ULK4: variants seen among roughly 807,000 people sequenced by gnomAD.
ULK4 encodes inactive serine/threonine-protein kinase ULK4.
A neutral mutation model predicts 160.6 loss-of-function variants in ULK4; 133 were observed. The observed-to-expected ratio is 0.83, with a 90% CI of 0.72 to 0.96. The LOEUF (loss-of-function observed/expected upper bound fraction) is 0.96, where lower values mean the gene tolerates loss of function less well. Ranked by LOEUF, ULK4 falls within the 40% of genes least tolerant of loss-of-function variation. The probability of loss-of-function intolerance (pLI) is 0.00; values close to 1 mark genes in which losing one functional copy is unlikely to be tolerated. For synonymous variants in ULK4, 534 were observed against 539.8 expected, an observed-to-expected ratio of 0.99 and a Z score of 0.15; for missense variants, 1,580 against 1,499.5, an observed-to-expected ratio of 1.05 and a Z score of -0.89.
intron 35 of ULK4, among the ~76,000 whole-genome samples, chr3:41,266,965 G>A (rs918459318): frequency 1.5e-5 from 2 of 134,424 alleles, no homozygotes; most frequent in Non-Finnish European, 3.1e-5. Flanking sequence ...TAACCCTCTT[G>A]CCAGCTACCT....
At position 41,502,962 on chromosome 3, in the gene ULK4, T is replaced by G. The variant is rs138157422; in HGVS notation, c.3227-39709A>C. Among the ~76,000 whole-genome samples the G allele has an allele frequency of 5.3e-3, 811 of 152,290 alleles. 12 individuals are homozygous for G. Among genetic ancestry groups the G allele is most frequent in the African/African-American group, 0.019 (780 of 41,560 alleles). Reference sequence around the variant, plus strand: ...GGTTAAATGTACAAATGTCCATTAATTGCTGTAAAAAAAGATGCAATATCC... The same window carrying G: ...GGTTAAATGTACAAATGTCCATTAAGTGCTGTAAAAAAAGATGCAATATCC... On this transcript the variant is annotated intron_variant, in intron 32 of 36. Coordinates refer to ENST00000301831, the MANE Select transcript of ULK4 (RefSeq NM_017886.4).
chr3:41,275,248 A>G (rs1165818961), intron 35 of ULK4, among the ~76,000 whole-genome samples: 3 of 152,230 alleles, frequency 2.0e-5, no homozygotes, highest in Non-Finnish European at 4.4e-5. Flanking sequence ...ATCCATTACT[A>G]CAGAGGAGAC....
intron 32 of ULK4, among the ~76,000 whole-genome samples, chr3:41,495,463 A>G (rs1415853756): frequency 6.6e-6 from 1 of 151,750 alleles, no homozygotes; most frequent in African/African-American, 2.4e-5. Context: ...TAGACCTAAA[A>G]CCATAAAAAC....
At chr3:41,582,819 C>T (rs2030481260) in intron 31 of ULK4, among the ~76,000 whole-genome samples, 2 of 152,208 alleles carry the variant, frequency 1.3e-5, no homozygotes, top group Non-Finnish European at 1.5e-5. Flanking sequence ...ATTACTGATT[C>T]TATTATTGTC....
rs186263499 is a variant in ULK4 at position 41,404,170 on chromosome 3, G to C, written c.3493-5906C>G. Among the ~76,000 whole-genome samples, 400 of 149,558 alleles carry C rather than the reference G, an allele frequency of 2.7e-3. 2 individuals carry two copies. Among genetic ancestry groups the C allele is most frequent in the Non-Finnish European group, 4.7e-3 (316 of 67,644 alleles). On this transcript the variant is annotated intron_variant, in intron 34 of 36. Transcript: ENST00000301831. ...GTCTAGTTGTTCTATTAATTCCTAA[G>C]TGGGAAAGCCCCAACTATCATTGTT...
intron 31 of ULK4, among the ~76,000 whole-genome samples, chr3:41,607,630 G>A (rs1465943528): frequency 1.3e-5 from 2 of 152,154 alleles, no homozygotes; most frequent in South Asian, 2.1e-4. Context: ...ACTCACATAG[G>A]TAGACAAAGG....
chr3:41,273,653 C>G (rs994076648), intron 35 of ULK4, among the ~76,000 whole-genome samples: 1 of 152,116 alleles, frequency 6.6e-6, no homozygotes, highest in African/African-American at 2.4e-5. Flanking sequence ...TCCCATCAAA[C>G]CTCATGTTGA....
intron 20 of ULK4, among the ~76,000 whole-genome samples, chr3:41,794,686 A>AAAAAAAAAAAAAAAAAAAAAAC (rs1553654814): frequency 4.4e-5 from 5 of 112,384 alleles, no homozygotes; most frequent in African/African-American, 1.7e-4. Flanking sequence ...AAAAAAAAAA[A>AAAAAAAAAAAAAAAAAAAAAAC]CACAGAAAAA....
intron 35 of ULK4, among the ~76,000 whole-genome samples, chr3:41,253,327 A>G (rs1465272961): frequency 6.6e-6 from 1 of 152,072 alleles, no homozygotes; most frequent in Non-Finnish European, 1.5e-5. Flanking sequence ...TGGGGTTTTC[A>G]ACATATGTAG....
At chr3:41,684,413 T>C (rs1265428309) in intron 27 of ULK4, among the ~76,000 whole-genome samples, 3 of 152,140 alleles carry the variant, frequency 2.0e-5, no homozygotes, top group African/African-American at 7.2e-5. Flanking sequence ...CTGGACGAGG[T>C]TTCCCTTTCA....
chr3:41,306,319 C>A lies in ULK4; in HGVS notation c.3679-56745G>T, dbSNP rs539211257. On this transcript the variant is annotated intron_variant, in intron 35 of 36. Transcript: ENST00000301831. Reference sequence around the variant, plus strand: ...TGGGAAGTGAGGAGCCCCTCTGCCCCGCCAGCCGCCCCATCCGGGAGGGAG... The same window carrying A: ...TGGGAAGTGAGGAGCCCCTCTGCCCAGCCAGCCGCCCCATCCGGGAGGGAG... 2.0e-3 allele frequency among the ~76,000 whole-genome samples: 207 copies of A among 101,186 alleles called. 5 individuals are homozygous for A. Among genetic ancestry groups the A allele is most frequent in the African/African-American group, 0.012 (190 of 15,910 alleles). 66.4% of individuals were successfully genotyped at this position (101,186 alleles called of 152,430 possible).
intron 20 of ULK4, among the ~76,000 whole-genome samples, chr3:41,796,984 C>T (rs112005575): frequency 2.0e-5 from 3 of 152,144 alleles, no homozygotes; most frequent in African/African-American, 7.2e-5. Context: ...CTCGCCAAAT[C>T]TGGGATGATT....
chr3:41,610,451 A>T (rs2125676008), intron 31 of ULK4, among the ~76,000 whole-genome samples: 1 of 152,336 alleles, frequency 6.6e-6, no homozygotes, highest in South Asian at 2.1e-4. Flanking sequence ...TACTCTAAGA[A>T]CCAATACATA....
chr3:41,692,774 A>G (rs968874183), intron 27 of ULK4, among the ~76,000 whole-genome samples: 1 of 152,182 alleles, frequency 6.6e-6, no homozygotes, highest in Admixed American at 6.5e-5. Flanking sequence ...GAAAGCAGAG[A>G]CCTACTGAAC....
At position 41,670,467 on chromosome 3, in the gene ULK4, A is replaced by T. The variant is rs138932624; in HGVS notation, c.2979-6768T>A. Among the ~76,000 whole-genome samples the T allele has an allele frequency of 4.9e-3, 741 of 152,216 alleles. 2 individuals are homozygous for T. The highest frequency in any genetic ancestry group is 0.017 in the Middle Eastern group (5 of 294). On this transcript the variant is annotated intron_variant, in intron 29 of 36. Coordinates refer to ENST00000301831, the MANE Select transcript of ULK4 (RefSeq NM_017886.4). ...TGTGATTCTCTGGTGTTTTGCATGGATACAAAGATAAAAGTACATCAATAA... is the reference window on the plus strand; with the variant it reads ...TGTGATTCTCTGGTGTTTTGCATGGTTACAAAGATAAAAGTACATCAATAA...
intron 18 of ULK4, among the ~76,000 whole-genome samples, chr3:41,820,146 T>C (rs1342779578): frequency 6.6e-6 from 1 of 152,160 alleles, no homozygotes; most frequent in East Asian, 1.9e-4. Context: ...AACTAATTTT[T>C]TAAAGCAGAA....
At chr3:41,302,613 C>T (rs1575411907) in intron 35 of ULK4, among the ~76,000 whole-genome samples, 1 of 152,330 alleles carries the variant, frequency 6.6e-6, no homozygotes, top group East Asian at 1.9e-4. Context: ...CAAATATTTA[C>T]AATATTGCCC....
At chr3:41,635,048 G>A (rs982253961) in intron 30 of ULK4, among the ~76,000 whole-genome samples, 9 of 152,094 alleles carry the variant, frequency 5.9e-5, no homozygotes, top group East Asian at 1.9e-4. Context: ...AAATGAAAAC[G>A]GTCAAAAAGA....
chr3:41,358,990 G>A (rs2081079565), intron 35 of ULK4, among the ~76,000 whole-genome samples: 1 of 152,178 alleles, frequency 6.6e-6, no homozygotes, highest in Admixed American at 6.5e-5. Flanking sequence ...TGAAAGTAGG[G>A]CCAACAAAAT....
Sources: gnomAD v4.1 joint callset for allele counts (sites outside exome capture counted in the v4.1 genomes callset) on GRCh38, gnomAD v4.1.1 for gene constraint, MANE v1.5 for transcripts, NCBI Gene and HGNC (gene_info 2026-07-23, HGNC 2026-07-21) for gene names.